Variants in MED12L observed in about 807,000 individuals in gnomAD.
The protein encoded by MED12L is mediator of RNA polymerase II transcription subunit 12-like protein.
Under a neutral mutation model 281.3 loss-of-function variants are expected in MED12L, and 60 were observed. That is an observed-to-expected ratio of 0.21 (90% confidence interval 0.17 to 0.26). The LOEUF (loss-of-function observed/expected upper bound fraction) is 0.26, where lower values mean the gene tolerates loss of function less well. MED12L is among the 10% of genes least tolerant of loss of function. The pLI is 1.00. For missense variants in MED12L, 2,146 were observed against 2,680.9 expected, an observed-to-expected ratio of 0.80 and a Z score of 4.41; for synonymous variants, 974 against 987.2, an observed-to-expected ratio of 0.99 and a Z score of 0.25.
intron 38 of MED12L, among the ~76,000 whole-genome samples, chr3:151,391,252 A>G: frequency 6.6e-6 from 1 of 152,158 alleles, no homozygotes; most frequent in East Asian, 1.9e-4. Flanking sequence ...AGGTAGCCTG[A>G]CCCCACAGAC....
intron 16 of MED12L, among the ~76,000 whole-genome samples, chr3:151,262,870 C>T (rs1302285632): frequency 2.6e-5 from 4 of 152,170 alleles, no homozygotes; most frequent in Non-Finnish European, 5.9e-5. Context: ...AACGTCTCCT[C>T]AGTTAAATGA....
chr3:151,110,045 A>G (rs899224951), intron 2 of MED12L, among the ~76,000 whole-genome samples: 7 of 152,184 alleles, frequency 4.6e-5, no homozygotes, highest in African/African-American at 1.7e-4. Context: ...AAATCTCTGT[A>G]AGGAAAGGCG....
chr3:151,205,756 T>C (rs1048440174), intron 16 of MED12L, among the ~76,000 whole-genome samples: 1 of 152,234 alleles, frequency 6.6e-6, no homozygotes, highest in South Asian at 2.1e-4. Flanking sequence ...CTCTTAGTTA[T>C]GCTTCTTACA....
chr3:151,261,420 A>G (rs1738862757), intron 16 of MED12L: 1 of 152,140 alleles, frequency 6.6e-6, no homozygotes, highest in African/African-American at 2.4e-5. Context: ...GATGGTGGCC[A>G]TGGCTTGCTA....
Position 151,158,771 on chromosome 3 carries a change from T to G in MED12L, c.809T>G (p.Leu270Arg), listed in dbSNP as rs750752584. ...ATCAGACCAATGGATGATGATCTTC[T>G]TAAACTCTTGCTACCACTAATGCTG... ...EKIRPMDDDL[L>R]KLLLPLMLQY... Residue 270 changes from leucine to arginine, a missense_variant, in exon 7 of 45, where the codon CTT becomes CGT. Transcript: ENST00000687756. The G allele has an allele frequency of 6.2e-7, 1 of 1,612,786 alleles. No individual in the cohort carries two copies. Among genetic ancestry groups the G allele is most frequent in the Non-Finnish European group, 8.5e-7 (1 of 1,179,048 alleles).
At chr3:151,300,228 A>T in intron 16 of MED12L, 1 of 749,998 alleles carries the variant, frequency 1.3e-6, no homozygotes, top group Non-Finnish European at 2.4e-6. Flanking sequence ...TGAGGAAAAA[A>T]TCATCTGGGA....
chr3:151,319,671 T>C (rs1287284430), intron 16 of MED12L, among the ~76,000 whole-genome samples: 3 of 152,158 alleles, frequency 2.0e-5, no homozygotes, highest in African/African-American at 4.8e-5. Context: ...TCACATATAC[T>C]CTTCCCCACT....
At position 151,376,655 on chromosome 3, in the gene MED12L, A is replaced by G. The variant is rs185378549; in HGVS notation, c.4054-145A>G. ...ATCGCTACTGAATATATATGCAGCA[A>G]GATTGGGAACCTTTTGACTCATATA... On this transcript the variant is annotated intron_variant, in intron 28 of 44. Transcript: ENST00000687756. 31 of 679,474 alleles carry G rather than the reference A, an allele frequency of 4.6e-5. No homozygotes were observed. The East Asian group carries it at 8.1e-4, about 18-fold the overall frequency. 42.1% of individuals were successfully genotyped at this position (679,474 alleles called of 1,614,324 possible).
chr3:151,195,382 G>A (rs143227683), intron 16 of MED12L, among the ~76,000 whole-genome samples: 13 of 151,636 alleles, frequency 8.6e-5, no homozygotes, highest in Admixed American at 2.6e-4. Flanking sequence ...TATGTCCAGG[G>A]CCATTTCAAA....
Position 151,247,561 on chromosome 3 carries a change from A to G in MED12L, c.2250+53895A>G, listed in dbSNP as rs374581202. ...CTCACTCATAGGTGGGAATTGAACA[A>G]TGAGATCACATGGACACAGGAAGGG... On this transcript the variant is annotated intron_variant, in intron 16 of 44. Coordinates refer to ENST00000687756, the MANE Select transcript of MED12L (RefSeq NM_001393769.1). Among the ~76,000 whole-genome samples, 16 of 143,500 alleles carry G rather than the reference A, an allele frequency of 1.1e-4. No homozygotes were observed. The South Asian group carries it at 2.9e-3, about 26-fold the overall frequency. 94.1% of individuals were successfully genotyped at this position (143,500 alleles called of 152,430 possible).
At chr3:151,136,540 G>C (rs147175700) in intron 5 of MED12L, among the ~76,000 whole-genome samples, 449 of 152,312 alleles carry the variant, frequency 2.9e-3, no homozygotes, top group African/African-American at 5.4e-3. Context: ...GGTAACTCTG[G>C]CTATCTGGTA....
intron 7 of MED12L, among the ~76,000 whole-genome samples, chr3:151,159,063 C>T (rs1182928130): frequency 6.6e-6 from 1 of 152,176 alleles, no homozygotes; most frequent in Non-Finnish European, 1.5e-5. Flanking sequence ...TATCACTGAG[C>T]AAAGCAACCA....
rs201839009 is a variant in MED12L at position 151,201,217 on chromosome 3, GCA to G, written c.2250+7557_2250+7558del. Reference sequence around the variant, plus strand: ...TGCTGTTCTATGCATACAACCACGTGCACACACTCTCTCTCTCTCTCTCTCTC... The same window carrying G: ...TGCTGTTCTATGCATACAACCACGTGCACACTCTCTCTCTCTCTCTCTCTC... On this transcript the variant is annotated intron_variant, in intron 16 of 44. Coordinates refer to ENST00000687756, the MANE Select transcript of MED12L (RefSeq NM_001393769.1). Among the ~76,000 whole-genome samples the G allele has an allele frequency of 9.3e-5, 14 of 150,968 alleles. No homozygotes were observed. In the South Asian group the frequency reaches 2.8e-3, roughly 30 times the overall value.
intron 11 of MED12L, among the ~76,000 whole-genome samples, chr3:151,177,886 C>T (rs941379459): frequency 2.4e-4 from 37 of 152,124 alleles, no homozygotes; most frequent in Middle Eastern, 6.8e-3. Flanking sequence ...TTAATTTATG[C>T]CAGGGCTGGG....
At chr3:151,209,110 A>G (rs1445593564) in intron 16 of MED12L, among the ~76,000 whole-genome samples, 3 of 152,220 alleles carry the variant, frequency 2.0e-5, no homozygotes, top group Non-Finnish European at 4.4e-5. Flanking sequence ...AAGTAGTCTT[A>G]TAAGTTTTAT....
At chr3:151,186,801 G>T (rs572149958) in intron 12 of MED12L, among the ~76,000 whole-genome samples, 8 of 152,258 alleles carry the variant, frequency 5.3e-5, no homozygotes, top group African/African-American at 1.9e-4. Flanking sequence ...TAGTTAATCT[G>T]CTTATTGTTT....
At chr3:151,336,509 A>C (rs1560043350) in intron 16 of MED12L, 1 of 456,532 alleles carries the variant, frequency 2.2e-6, no homozygotes, top group South Asian at 1.5e-5. Context: ...ATATTTAGGT[A>C]TTGATGTCTG....
At chr3:151,316,395 T>C (rs1237919496) in intron 16 of MED12L, 1 of 152,224 alleles carries the variant, frequency 6.6e-6, no homozygotes, top group Non-Finnish European at 1.5e-5. Context: ...TAGTTTATAT[T>C]TCTGCCTGCC....
chr3:151,181,210 A>T (rs2149053623), intron 11 of MED12L, among the ~76,000 whole-genome samples: 1 of 152,202 alleles, frequency 6.6e-6, no homozygotes, highest in South Asian at 2.1e-4. Flanking sequence ...CTTTGGTATT[A>T]AAAATAATAT....
Sources: allele counts gnomAD v4.1 joint callset (sites outside exome capture counted in the v4.1 genomes callset), GRCh38; gene constraint gnomAD v4.1.1; transcripts MANE v1.5; gene names NCBI Gene and HGNC (gene_info 2026-07-23, HGNC 2026-07-21).